The following ANKDD1A variants were observed in gnomAD, a reference collection of about 807,000 sequenced individuals.
ANKDD1A encodes the protein ankyrin repeat and death domain containing 1A, also known as ankyrin repeat and death domain-containing protein 1A.
In ANKDD1A, 59 loss-of-function variants were observed where a neutral mutation model predicts 63.5. That is an observed-to-expected ratio of 0.93 (90% CI 0.75 to 1.15). The LOEUF (loss-of-function observed/expected upper bound fraction) is 1.15. Ranked by LOEUF, ANKDD1A falls within the 50% of genes most tolerant of loss-of-function variation. The probability of loss-of-function intolerance (pLI) is 0.00; values close to 1 mark genes in which losing one functional copy is unlikely to be tolerated. For missense variants in ANKDD1A, 632 were observed against 656.4 expected (o/e 0.96, Z 0.41); for synonymous variants, 266 against 263.9 (o/e 1.01, Z -0.08).
chr15:64,938,955 AAAAG>A (rs2085158482), intron 9 of ANKDD1A, among the ~76,000 whole-genome samples: 1 of 151,890 alleles, frequency 6.6e-6, no homozygotes, highest in African/African-American at 2.4e-5. Flanking sequence ...AAAAAAAAAA[AAAAG>A]AAACTGAAGA....
intron 6 of ANKDD1A, among the ~76,000 whole-genome samples, chr15:64,929,042 C>G (rs1017743959): frequency 1.3e-5 from 2 of 152,264 alleles, no homozygotes; most frequent in African/African-American, 4.8e-5. Flanking sequence ...GCTGTGATTG[C>G]ATTTCCCACC....
chr15:64,953,094 T>C (rs117819519), intron 14 of ANKDD1A, among the ~76,000 whole-genome samples: 1 of 149,178 alleles, frequency 6.7e-6, no homozygotes, highest in African/African-American at 2.5e-5. Flanking sequence ...TTCCTTCTTA[T>C]ACTTTCTTTT....
rs538647982 is a variant in ANKDD1A, at chr15:64,915,887, G to A, written c.125G>A (p.Arg42Lys). ...CTGATTGGGAGGAGGGTTAACACCAGGGCCAGAAACCACGTGCGTAATGAG... is the reference window on the plus strand; with the variant it reads ...CTGATTGGGAGGAGGGTTAACACCAAGGCCAGAAACCACGTGCGTAATGAG... ...QELIGRRVNT[R>K]ARNHVGRVAL... Residue 42 changes from arginine to lysine, a missense_variant, in exon 2 of 15, where the codon AGG (arginine) becomes AAG (lysine). By Grantham distance (26) the Arg-to-Lys change is conservative (BLOSUM62 2). Coordinates refer to ENST00000319580, the MANE Select transcript of ANKDD1A (RefSeq NM_182703.6). 1 of 1,613,754 alleles carries A rather than the reference G, an allele frequency of 6.2e-7. No homozygotes were observed. The highest frequency in any genetic ancestry group is 2.2e-5 in the East Asian group (1 of 44,858).
chr15:64,954,248 TCTTTCTTCTTCTCCTTCTTTTC>T (rs1227730005), intron 14 of ANKDD1A, among the ~76,000 whole-genome samples: 6 of 149,956 alleles, frequency 4.0e-5, no homozygotes, highest in Non-Finnish European at 1.5e-5. Context: ...TCTTCTTAGT[TCTTTCTTCTTCTCCTTCTTTTC>T]CTTTCTTCTT....
At chr15:64,925,964 G>A in intron 4 of ANKDD1A, 102 bp from the exon 5 acceptor site, 1 of 987,010 alleles carries the variant, frequency 1.0e-6, no homozygotes, top group Non-Finnish European at 1.5e-6. Context: ...CCATGGGGAG[G>A]CTGTGTTCTG....
At position 64,947,309 on chromosome 15, in the gene ANKDD1A, G is replaced by A. The variant is rs559427071; in HGVS notation, c.1162-95G>A. On this transcript the variant is annotated intron_variant, in intron 12 of 14. Transcript: ENST00000319580. Reference sequence around the variant, plus strand: ...ACTCCAGCTCCCAGGCACCCCAGCAGAGGTGGTAGGAGGGTCATAGGGGCC... The same window carrying A: ...ACTCCAGCTCCCAGGCACCCCAGCAAAGGTGGTAGGAGGGTCATAGGGGCC... 1.9e-5 allele frequency: 25 copies of A among 1,303,550 alleles called. No individual in the cohort carries two copies. In the East Asian group the frequency reaches 6.1e-4, roughly 32 times the overall value. 80.7% of individuals were successfully genotyped at this position (1,303,550 alleles called of 1,614,324 possible). A position where few individuals can be genotyped will look rare whatever the true frequency, so the allele number is the denominator to read the frequency against.
At position 64,930,895 on chromosome 15, in the gene ANKDD1A, G is replaced by A; in HGVS notation, c.644G>A (p.Gly215Glu). The A allele has an allele frequency of 6.2e-7, 1 of 1,612,450 alleles. No homozygotes were observed. The highest frequency in any genetic ancestry group is 8.5e-7 in the Non-Finnish European group (1 of 1,179,990). The stretch of plus-strand genomic sequence containing the variant: ...GTGCTGCAGCGACTTGTGGACATCG[G>A]GCTGGACCTGGAGGAGCAGAATGCG... ...MAVLQRLVDI[G>E]LDLEEQNAEG... Residue 215 changes from glycine to glutamate, a missense_variant, in exon 7 of 15, where the codon GGG (glycine) becomes GAG (glutamate). Physicochemically the swap from Gly to Glu is moderately conservative, Grantham distance 98. Coordinates refer to ENST00000319580, the MANE Select transcript of ANKDD1A (RefSeq NM_182703.6).
At chr15:64,923,844 A>G (rs1222901508) in intron 4 of ANKDD1A, among the ~76,000 whole-genome samples, 1 of 152,196 alleles carries the variant, frequency 6.6e-6, no homozygotes, top group Non-Finnish European at 1.5e-5. Context: ...GGAGTATACT[A>G]TAAACAGAGT....
chr15:64,932,478 G>A (rs12442603), intron 8 of ANKDD1A: 46,286 of 151,886 alleles, frequency 0.3, 8,118 homozygotes, highest in East Asian at 0.69. Flanking sequence ...GTACTCATCA[G>A]TTCTGCCAGT....
chr15:64,953,482 C>T (rs1485460962), intron 14 of ANKDD1A, among the ~76,000 whole-genome samples: 38 of 85,862 alleles, frequency 4.4e-4, no homozygotes, highest in Middle Eastern at 7.4e-3. Flanking sequence ...CCTCTTCCTT[C>T]TCCTTCTTCT....
chr15:64,933,187 CACCCCAGGTACTCGCTCAGCTGGGACTTT>C (rs1347464200), intron 8 of ANKDD1A, among the ~76,000 whole-genome samples: 1 of 152,164 alleles, frequency 6.6e-6, no homozygotes, highest in Non-Finnish European at 1.5e-5. Flanking sequence ...GAGTCCCACA[CACCCCAGGTACTCGCTCAGCTGGGACTTT>C]AGCAGGGTGG....
At chr15:64,917,718 G>A (rs1052712041) in intron 3 of ANKDD1A, among the ~76,000 whole-genome samples, 1 of 152,156 alleles carries the variant, frequency 6.6e-6, no homozygotes, top group African/African-American at 2.4e-5. Flanking sequence ...CACTTTCAAG[G>A]GTCTTTCAGT....
At chr15:64,927,501 G>A (rs1287514743) in intron 6 of ANKDD1A, among the ~76,000 whole-genome samples, 2 of 152,130 alleles carry the variant, frequency 1.3e-5, no homozygotes, top group African/African-American at 2.4e-5. Context: ...TCACCAATCT[G>A]AGAAGGGGTA....
intron 3 of ANKDD1A, among the ~76,000 whole-genome samples, chr15:64,919,551 G>C (rs963051439): frequency 1.3e-5 from 2 of 152,206 alleles, no homozygotes; most frequent in Non-Finnish European, 2.9e-5. Context: ...GATTTCATGA[G>C]GAAGAACTTA....
At chr15:64,916,981 G>A (rs1276479786) in intron 2 of ANKDD1A, among the ~76,000 whole-genome samples, 1 of 152,222 alleles carries the variant, frequency 6.6e-6, no homozygotes, top group Non-Finnish European at 1.5e-5. Flanking sequence ...CAGGGACTTG[G>A]AGGATAATCC....
chr15:64,915,711 C>A, intron 1 of ANKDD1A, 86 bp from the exon 2 acceptor site: 1 of 1,155,206 alleles, frequency 8.7e-7, no homozygotes, highest in Non-Finnish European at 1.3e-6. Flanking sequence ...CAGAAATGTT[C>A]AGGAGTGGAA....
intron 14 of ANKDD1A, 123 bp downstream of exon 14, chr15:64,950,095 T>C: frequency 6.6e-7 from 1 of 1,510,276 alleles, no homozygotes; most frequent in East Asian, 2.3e-5. Flanking sequence ...CCTTCCAGAT[T>C]CCTACCCCTA....
chr15:64,916,546 C>G (rs1177128821), intron 2 of ANKDD1A, among the ~76,000 whole-genome samples: 2 of 152,114 alleles, frequency 1.3e-5, no homozygotes, highest in East Asian at 3.9e-4. Context: ...AGGCTGGTCT[C>G]AAACTCCTGG....
intron 14 of ANKDD1A, among the ~76,000 whole-genome samples, chr15:64,952,727 TCTC>T (rs1019509827): frequency 7.0e-5 from 10 of 142,220 alleles, no homozygotes; most frequent in South Asian, 4.5e-4. Context: ...TCTTTCTTCT[TCTC>T]CTTCTTCCTC....
Sources: allele counts gnomAD v4.1 joint callset (sites outside exome capture counted in the v4.1 genomes callset), GRCh38; gene constraint gnomAD v4.1.1; transcripts MANE v1.5; gene names NCBI Gene and HGNC (gene_info 2026-07-23, HGNC 2026-07-21).